MAST2: variants seen among roughly 807,000 people sequenced by gnomAD.
The protein encoded by MAST2 is microtubule-associated serine/threonine-protein kinase 2.
In MAST2, 70 loss-of-function variants were observed where a neutral mutation model predicts 147.4. The observed-to-expected ratio is 0.47, with a 90% CI of 0.39 to 0.58. The LOEUF (loss-of-function observed/expected upper bound fraction) is 0.58. Ranked by LOEUF, MAST2 falls within the 20% of genes least tolerant of loss-of-function variation. The pLI, the probability that MAST2 is intolerant of heterozygous loss-of-function variation, is 0.00. For missense variants in MAST2, 2,080 were observed against 2,302.3 expected (o/e 0.90, Z 1.98); for synonymous variants, 869 against 896.8 (o/e 0.97, Z 0.55).
At chr1:45,876,031 A>G (rs547842795) in intron 3 of MAST2, among the ~76,000 whole-genome samples, 7 of 152,318 alleles carry the variant, frequency 4.6e-5, no homozygotes, top group African/African-American at 1.7e-4. Flanking sequence ...GAGGAAAAAC[A>G]AGAGAATGTG....
At chr1:45,929,767 T>G (rs1654980795) in intron 4 of MAST2, among the ~76,000 whole-genome samples, 1 of 152,196 alleles carries the variant, frequency 6.6e-6, no homozygotes, top group African/African-American at 2.4e-5. Flanking sequence ...TGGCTTTGTT[T>G]GTTAATATAT....
intron 4 of MAST2, among the ~76,000 whole-genome samples, chr1:45,956,006 T>G (rs1421614449): frequency 6.6e-6 from 1 of 152,192 alleles, no homozygotes; most frequent in Non-Finnish European, 1.5e-5. Context: ...CTCATGACTA[T>G]CTATAATCCA....
rs537328650 is a variant in MAST2 at position 45,954,916 on chromosome 1, A to G, written c.501-4470A>G. Among the ~76,000 whole-genome samples, 123 of 152,208 alleles carry G rather than the reference A, an allele frequency of 8.1e-4. 1 individual carries two copies. The highest frequency in any genetic ancestry group is 2.8e-3 in the African/African-American group (116 of 41,530). ...AATTATCCGTCCCTGAAGTTTCAAG[A>G]CATTTTCACTTTCAGACACAAGGAT... On this transcript the variant is annotated intron_variant, in intron 4 of 28. Transcript: ENST00000361297.
At chr1:45,994,374 C>T (rs11576305) in intron 5 of MAST2, among the ~76,000 whole-genome samples, 66,738 of 149,560 alleles carry the variant, frequency 0.45, 15,075 homozygotes, top group East Asian at 0.63. Context: ...CAACCTCCGC[C>T]TCCTAGGTTC....
chr1:45,807,420 C>T (rs1034707241), intron 1 of MAST2, among the ~76,000 whole-genome samples: 3 of 152,186 alleles, frequency 2.0e-5, no homozygotes, highest in African/African-American at 7.2e-5. Flanking sequence ...CATTGTGTCA[C>T]AGAACATCCT....
Position 45,915,189 on chromosome 1 carries a change from C to T in MAST2, c.500+32794C>T, listed in dbSNP as rs79534698. On this transcript the variant is annotated intron_variant, in intron 4 of 28. Transcript: ENST00000361297. Reference sequence around the variant, plus strand: ...TCAAGTGATCCTCTTGCCTCAGCCTCTTAGAGTGCTGAGATTACCATACCT... The same window carrying T: ...TCAAGTGATCCTCTTGCCTCAGCCTTTTAGAGTGCTGAGATTACCATACCT... Among the ~76,000 whole-genome samples the T allele has an allele frequency of 8.3e-3, 1,261 of 152,280 alleles. 20 individuals are homozygous for T. The highest frequency in any genetic ancestry group is 0.029 in the African/African-American group (1,192 of 41,544).
rs1363970638 is a variant in MAST2 at position 45,830,177 on chromosome 1, G to T, written c.468+596G>T. ...CGGCCTTAAGAATGAAATTTTAATT[G>T]AATCTTTTTTTTTTTTTTTTTTTGA... is the stretch of plus-strand genomic sequence containing the variant. On this transcript the variant is annotated intron_variant, in intron 3 of 28. Coordinates refer to ENST00000361297, the MANE Select transcript of MAST2 (RefSeq NM_015112.3). Among the ~76,000 whole-genome samples the T allele has an allele frequency of 6.9e-5, 8 of 115,970 alleles. 1 individual carries two copies. The highest frequency in any genetic ancestry group is 3.3e-4 in the Admixed American group (3 of 9,202). 76.1% of individuals were successfully genotyped at this position (115,970 alleles called of 152,430 possible).
chr1:45,865,357 A>G (rs1646110677), intron 3 of MAST2, among the ~76,000 whole-genome samples: 1 of 152,134 alleles, frequency 6.6e-6, no homozygotes, highest in Non-Finnish European at 1.5e-5. Context: ...GCTTATTTAC[A>G]CTGTATTTAG....
At chr1:45,953,292 A>C (rs1020245864) in intron 4 of MAST2, among the ~76,000 whole-genome samples, 1 of 152,072 alleles carries the variant, frequency 6.6e-6, no homozygotes, top group South Asian at 2.1e-4. Flanking sequence ...ACTTTACCTT[A>C]GAGCAAAGAC....
chr1:45,829,867 T>C (rs1644900399), intron 3 of MAST2, among the ~76,000 whole-genome samples: 1 of 152,024 alleles, frequency 6.6e-6, no homozygotes, highest in East Asian at 1.9e-4. Context: ...TGAAATTTTT[T>C]TTTTTCTTTT....
chr1:45,938,934 T>G (rs1656707141), intron 4 of MAST2, among the ~76,000 whole-genome samples: 1 of 152,208 alleles, frequency 6.6e-6, no homozygotes, highest in African/African-American at 2.4e-5. Context: ...CCTTGAGTTC[T>G]TTGTATGTTC....
chr1:45,986,116 A>T (rs1644604961), intron 5 of MAST2, among the ~76,000 whole-genome samples: 3 of 152,180 alleles, frequency 2.0e-5, no homozygotes, highest in African/African-American at 4.8e-5. Context: ...CTTGTTCCTG[A>T]TCTTAGAGCA....
At position 45,824,970 on chromosome 1, in the gene MAST2, C is replaced by T. The variant is rs77326375; in HGVS notation, c.325+390C>T. 3.1e-3 allele frequency among the ~76,000 whole-genome samples: 469 copies of T among 152,320 alleles called. 18 individuals carry two copies. The East Asian group carries it at 0.082, about 27-fold the overall frequency. ...AAAAATTCAGGGGGAAAAAATTATA[C>T]GAAGAAGTCACAGTACAAAAGGAAG... is the stretch of plus-strand genomic sequence containing the variant. On this transcript the variant is annotated intron_variant, in intron 2 of 28. Transcript: ENST00000361297.
chr1:46,008,356 A>G lies in MAST2; in HGVS notation c.963A>G (p.Lys321=). Residue 321 remains lysine, a synonymous_variant, in exon 9 of 29, where the codon AAA becomes AAG. Coordinates refer to ENST00000361297, the MANE Select transcript of MAST2 (RefSeq NM_015112.3). The stretch of plus-strand genomic sequence containing the variant: ...TAATAATGATGAATCATGTTTACAA[A>G]GAAAGATTCCCAAAGGTAAGGATCC... ...SEIIMMNHVY[K]ERFPKATAQM... is the part of the protein sequence containing the mutation. The G allele has an allele frequency of 6.2e-7, 1 of 1,612,524 alleles. No homozygotes were observed. Among genetic ancestry groups the G allele is most frequent in the Non-Finnish European group, 8.5e-7 (1 of 1,178,502 alleles).
intron 3 of MAST2, among the ~76,000 whole-genome samples, chr1:45,874,689 G>T (rs1317296586): frequency 1.3e-5 from 2 of 152,130 alleles, no homozygotes; most frequent in East Asian, 3.9e-4. Flanking sequence ...TGCCTACTAG[G>T]CTAGGTATTC....
Position 45,830,776 on chromosome 1 carries a change from A to C in MAST2, c.468+1195A>C, listed in dbSNP as rs184588463. On this transcript the variant is annotated intron_variant, in intron 3 of 28. Transcript: ENST00000361297. ...AGTGGCTTACGTCTCTAATTCCTGC[A>C]CTCTGAGAGTCTGAGGCAGGAGGAT... Among the ~76,000 whole-genome samples, 39 of 151,016 alleles carry C rather than the reference A, an allele frequency of 2.6e-4. No individual in the cohort carries two copies. The East Asian group carries it at 7.6e-3, about 29-fold the overall frequency.
In MAST2 at chr1:46,031,650, AG is replaced by A; in HGVS notation, c.3187+68del. 1 of 1,501,222 alleles carries A rather than the reference AG, an allele frequency of 6.7e-7. No homozygotes were observed. The allele number at this position is 1,501,222 out of a possible 1,614,324, so 93.0% of individuals were successfully genotyped here. On this transcript the variant is annotated intron_variant, in intron 24 of 28. Coordinates refer to ENST00000361297, the MANE Select transcript of MAST2 (RefSeq NM_015112.3). The surrounding 1 kb of genome is among the most constrained non-coding windows in gnomAD (Gnocchi z 4.1). Reference sequence around the variant, plus strand: ...GGCCTTGTAATCTCTAGGCCTTGGGAGGGTTCTGCACGTGGCAGGTGTGTGT... The same window carrying A: ...GGCCTTGTAATCTCTAGGCCTTGGGAGGTTCTGCACGTGGCAGGTGTGTGT...
intron 5 of MAST2, among the ~76,000 whole-genome samples, chr1:45,989,515 A>G (rs1392880281): frequency 6.6e-6 from 1 of 152,066 alleles, no homozygotes; most frequent in Non-Finnish European, 1.5e-5. Flanking sequence ...CTCTTGTCAT[A>G]GTCTGCATTC....
chr1:45,809,891 AT>A (rs997877600), intron 1 of MAST2, among the ~76,000 whole-genome samples: 2 of 152,206 alleles, frequency 1.3e-5, no homozygotes, highest in Non-Finnish European at 2.9e-5. Flanking sequence ...GTCTTATCTC[AT>A]TTTGTTTCTG....
Sources: gnomAD v4.1 joint callset for allele counts (sites outside exome capture counted in the v4.1 genomes callset) on GRCh38, gnomAD v4.1.1 for gene constraint, Gnocchi (gnomAD v3.1) non-coding constraint, MANE v1.5 for transcripts, NCBI Gene and HGNC (gene_info 2026-07-23, HGNC 2026-07-21) for gene names.